SGMS2: variants seen among roughly 807,000 people sequenced by gnomAD.
SGMS2 encodes the protein phosphatidylcholine:ceramide cholinephosphotransferase 2.
In SGMS2, 21 loss-of-function variants were observed where a neutral mutation model predicts 43.8. The ratio of observed to expected loss-of-function variants is 0.48; its 90% CI spans 0.34 to 0.69. The LOEUF (loss-of-function observed/expected upper bound fraction) is 0.69, where lower values mean the gene tolerates loss of function less well. Among genes scored for constraint, SGMS2 ranks in the 30% least tolerant of loss-of-function variants. The pLI is 0.01. For missense variants in SGMS2, 384 were observed against 443.2 expected, an observed-to-expected ratio of 0.87 and a Z score of 1.20; for synonymous variants, 167 against 160.6, an observed-to-expected ratio of 1.04 and a Z score of -0.30.
rs557509575 is a variant in SGMS2 at position 107,853,304 on chromosome 4, T to C, written c.-326-5168T>C. ...CTTGGATATTTTAATTCAGTCTGCA[T>C]TGGGCAGAGAGAAGTACAGAGTTGC... On this transcript the variant is annotated intron_variant, in intron 1 of 6. Transcript: ENST00000690982. Among the ~76,000 whole-genome samples the C allele has an allele frequency of 8.5e-5, 13 of 152,342 alleles. No homozygotes were observed. The South Asian group carries it at 2.7e-3, about 32-fold the overall frequency.
At chr4:107,899,495 G>A (rs1730942306) in intron 3 of SGMS2, 80 bp from the exon 4 acceptor site, 1 of 942,152 alleles carries the variant, frequency 1.1e-6, no homozygotes, top group African/African-American at 1.7e-5. Context: ...TCTTTATCCT[G>A]TTAAACATTG....
At chr4:107,892,259 G>T (rs1019519631) in intron 2 of SGMS2, among the ~76,000 whole-genome samples, 8 of 140,692 alleles carry the variant, frequency 5.7e-5, no homozygotes, top group Non-Finnish European at 4.6e-5. Flanking sequence ...AAAAAAAAAG[G>T]TTGTACAGCA....
intron 5 of SGMS2, 198 bp from the exon 6 acceptor site, chr4:107,908,367 T>C: frequency 1.8e-6 from 1 of 541,220 alleles, no homozygotes; most frequent in Non-Finnish European, 3.3e-6. Flanking sequence ...TTACGCCCGC[T>C]GCCAGGGAGC....
chr4:107,867,980 A>G (rs924544986), intron 2 of SGMS2: 2 of 152,198 alleles, frequency 1.3e-5, no homozygotes, highest in African/African-American at 4.8e-5. Flanking sequence ...AAATATTCCA[A>G]TCTAGTGTTG....
chr4:107,825,469 A>G (rs1238848159), intron 1 of SGMS2, among the ~76,000 whole-genome samples: 1 of 151,678 alleles, frequency 6.6e-6, no homozygotes, highest in Admixed American at 6.6e-5. Context: ...TTCATTTGCA[A>G]CCCATTTCGG....
chr4:107,871,314 T>C (rs981943554), intron 2 of SGMS2, among the ~76,000 whole-genome samples: 17 of 152,212 alleles, frequency 1.1e-4, no homozygotes, highest in Admixed American at 1.0e-3. Context: ...CCAGTCTTTT[T>C]CCCATTTTAT....
At chr4:107,836,099 G>T (rs1037142618) in intron 1 of SGMS2, among the ~76,000 whole-genome samples, 1 of 152,076 alleles carries the variant, frequency 6.6e-6, no homozygotes, top group African/African-American at 2.4e-5. Context: ...TAAAATTCTT[G>T]AAATTTTTAC....
chr4:107,882,917 A>C (rs1729471393), intron 2 of SGMS2, among the ~76,000 whole-genome samples: 1 of 152,194 alleles, frequency 6.6e-6, no homozygotes, highest in African/African-American at 2.4e-5. Flanking sequence ...TAAATGCAGG[A>C]ACATGCTTTT....
intron 1 of SGMS2, among the ~76,000 whole-genome samples, chr4:107,829,225 G>T (rs1725757265): frequency 6.6e-6 from 1 of 152,254 alleles, no homozygotes; most frequent in African/African-American, 2.4e-5. Context: ...GAAAGTGCGA[G>T]AAATTTCTAT....
intron 1 of SGMS2, among the ~76,000 whole-genome samples, chr4:107,836,504 A>G (rs1266146961): frequency 6.6e-6 from 1 of 152,100 alleles, no homozygotes; most frequent in African/African-American, 2.4e-5. Flanking sequence ...CTATAAATGA[A>G]ATGTTTAGAT....
chr4:107,895,671 G>A lies in SGMS2; in HGVS notation c.118G>A (p.Gly40Ser). 6.2e-7 allele frequency: 1 copy of A among 1,613,902 alleles called. No homozygotes were observed. The highest frequency in any genetic ancestry group is 1.1e-5 in the South Asian group (1 of 91,070). Reference protein sequence around the residue: ...PVEEENKNGNGKPKSLSSGLR... With the variant: ...PVEEENKNGNSKPKSLSSGLR... Reference sequence around the variant, plus strand: ...TGAAGAAGAAAACAAAAATGGCAATGGTAAACCCAAGAGCTTATCCAGTGG... The same window carrying A: ...TGAAGAAGAAAACAAAAATGGCAATAGTAAACCCAAGAGCTTATCCAGTGG... The change falls in exon 3 of 7, where the codon GGT (glycine) becomes AGT (serine). Residue 40 changes from glycine to serine, a missense_variant. Coordinates refer to ENST00000690982, the MANE Select transcript of SGMS2 (RefSeq NM_001375905.1).
chr4:107,829,550 A>G (rs996725995), intron 1 of SGMS2, among the ~76,000 whole-genome samples: 1 of 152,206 alleles, frequency 6.6e-6, no homozygotes, highest in African/African-American at 2.4e-5. Flanking sequence ...TTATTTTATA[A>G]TTGGTTTCCC....
At chr4:107,852,065 A>G (rs1727179128) in intron 1 of SGMS2, among the ~76,000 whole-genome samples, 1 of 150,992 alleles carries the variant, frequency 6.6e-6, no homozygotes, top group East Asian at 1.9e-4. Context: ...TGTGCTTGTC[A>G]TAATAATTTT....
chr4:107,895,729 A>G lies in SGMS2; in HGVS notation c.176A>G (p.Tyr59Cys). Reference protein sequence around the residue: ...LRKGTKKYPDYIQIAMPTESR... With the variant: ...LRKGTKKYPDCIQIAMPTESR... ...AAAGGCACCAAAAAGTACCCGGACT[A>G]TATCCAAATTGCTATGCCCACTGAA... The change falls in exon 3 of 7, where the codon TAT (tyrosine) becomes TGT (cysteine). Residue 59 changes from tyrosine to cysteine, a missense_variant. Physicochemically the swap from Tyr to Cys is radical, Grantham distance 194 (BLOSUM62 -2). Transcript: ENST00000690982. 6 of 1,614,004 alleles carry G rather than the reference A, an allele frequency of 3.7e-6. No individual in the cohort carries two copies. Among genetic ancestry groups the G allele is most frequent in the South Asian group, 1.1e-5 (1 of 91,086 alleles).
At position 107,868,455 on chromosome 4, in the gene SGMS2, G is replaced by A. The variant is rs551991933; in HGVS notation, c.-245+9902G>A. Among the ~76,000 whole-genome samples, 208 of 152,234 alleles carry A rather than the reference G, an allele frequency of 1.4e-3. 1 individual carries two copies. Among genetic ancestry groups the A allele is most frequent in the African/African-American group, 4.7e-3 (195 of 41,540 alleles). ...CTGCCCGCCAGGTGTGGTGGCTCTCGCCTGTAATCCCAGCAGTTTGGGAGG... is the reference window on the plus strand; with the variant it reads ...CTGCCCGCCAGGTGTGGTGGCTCTCACCTGTAATCCCAGCAGTTTGGGAGG... On this transcript the variant is annotated intron_variant, in intron 2 of 6. Transcript: ENST00000690982.
intron 2 of SGMS2, chr4:107,863,940 A>T (rs1214914926): frequency 1.3e-5 from 2 of 152,246 alleles, no homozygotes; most frequent in African/African-American, 4.8e-5. Flanking sequence ...GGGCTGCCAC[A>T]TTCATTCAAC....
intron 1 of SGMS2, among the ~76,000 whole-genome samples, chr4:107,855,164 T>C (rs1408916417): frequency 6.6e-6 from 1 of 152,180 alleles, no homozygotes; most frequent in Admixed American, 6.5e-5. Flanking sequence ...CTGATGTCTT[T>C]ATTAGTATTA....
chr4:107,891,140 A>G (rs1410965848), intron 2 of SGMS2, among the ~76,000 whole-genome samples: 2 of 146,094 alleles, frequency 1.4e-5, no homozygotes, highest in Non-Finnish European at 3.0e-5. Context: ...CCCCCCCATT[A>G]TACCACCTTA....
At chr4:107,828,198 C>T (rs1276836543) in intron 1 of SGMS2, among the ~76,000 whole-genome samples, 5 of 152,064 alleles carry the variant, frequency 3.3e-5, no homozygotes, top group Non-Finnish European at 5.9e-5. Flanking sequence ...TTTCTATCTG[C>T]CCCCTCTTTA....
Sources: allele counts gnomAD v4.1 joint callset (sites outside exome capture counted in the v4.1 genomes callset), GRCh38; gene constraint gnomAD v4.1.1; transcripts MANE v1.5; gene names NCBI Gene and HGNC (gene_info 2026-07-23, HGNC 2026-07-21).